Variants in NUMA1 observed in about 807,000 individuals in gnomAD.
The protein encoded by NUMA1 is SP-H antigen.
Under a neutral mutation model 237.1 loss-of-function variants are expected in NUMA1, and 62 were observed. That is an observed-to-expected ratio of 0.26 (90% CI 0.21 to 0.32). NUMA1 has a LOEUF of 0.32. Among genes scored for constraint, NUMA1 ranks in the 10% least tolerant of loss-of-function variants. The probability of loss-of-function intolerance (pLI) is 1.00; values close to 1 mark genes in which losing one functional copy is unlikely to be tolerated. For synonymous variants in NUMA1, 1,028 were observed against 1,066.1 expected (o/e 0.96, Z 0.70); for missense variants, 2,533 against 2,666.5 (o/e 0.95, Z 1.10).
Position 72,017,576 on chromosome 11 carries a change from T to C in NUMA1, c.1119+111A>G, listed in dbSNP as rs751990032. On this transcript the variant is annotated intron_variant, in intron 13 of 26. Transcript: ENST00000393695. ...TTCAATTACAGCACACTATTGAACC[T>C]TGAAGAGAAAGCAACTTAATACCCA... 4 of 1,329,082 alleles carry C rather than the reference T, an allele frequency of 3.0e-6. No individual in the cohort carries two copies. The Admixed American group carries it at 5.0e-5, about 17-fold the overall frequency. The allele number at this position is 1,329,082 out of a possible 1,614,324, so 82.3% of individuals were successfully genotyped here. A position where few individuals can be genotyped will look rare whatever the true frequency, so the allele number is the denominator to read the frequency against.
intron 17 of NUMA1, among the ~76,000 whole-genome samples, chr11:72,009,947 T>C (rs879436142): frequency 2.0e-5 from 3 of 152,238 alleles, no homozygotes; most frequent in Non-Finnish European, 4.4e-5. Context: ...ATGCCCACAC[T>C]GCCTCCTGTC....
intron 2 of NUMA1, 113 bp from the exon 3 acceptor site, chr11:72,036,088 T>G: frequency 1.3e-6 from 1 of 759,056 alleles, no homozygotes; most frequent in Admixed American, 2.2e-5. Context: ...CACTCTTCAC[T>G]GAATCCACCA....
chr11:72,010,940 A>C (rs1336111069), intron 16 of NUMA1, 86 bp from the exon 17 acceptor site: 1 of 1,180,192 alleles, frequency 8.5e-7, no homozygotes, highest in South Asian at 1.2e-5. Flanking sequence ...GGGGTTTCCC[A>C]GACCAGGATC....
At chr11:72,078,332 T>C (rs977758768) in intron 1 of NUMA1, among the ~76,000 whole-genome samples, 3 of 152,260 alleles carry the variant, frequency 2.0e-5, no homozygotes, top group Non-Finnish European at 4.4e-5. Context: ...CCACACCATA[T>C]ATTAGGTTAA....
chr11:72,061,481 T>TTTTC (rs1942935919), intron 2 of NUMA1, among the ~76,000 whole-genome samples: 2 of 24,600 alleles, frequency 8.1e-5, no homozygotes, highest in Non-Finnish European at 3.0e-4. Flanking sequence ...TCCTTGTTTC[T>TTTTC]TTTCTTTTTT....
chr11:72,003,247 C>A lies in NUMA1; in HGVS notation c.*280G>T. Reference sequence around the variant, plus strand: ...CCAGCCATCAAAACCAGCCTCAAATCTGGTTGTGATGGAGAAGTGACTTTG... The same window carrying A: ...CCAGCCATCAAAACCAGCCTCAAATATGGTTGTGATGGAGAAGTGACTTTG... On this transcript the variant is annotated 3_prime_UTR_variant, in exon 27 of 27. Coordinates refer to ENST00000393695, the MANE Select transcript of NUMA1 (RefSeq NM_006185.4). The A allele has an allele frequency of 2.0e-6, 1 of 494,898 alleles. No homozygotes were observed. The highest frequency in any genetic ancestry group is 2.7e-5 in the South Asian group (1 of 36,908). The allele number at this position is 494,898 out of a possible 1,614,324, so 30.7% of individuals were successfully genotyped here.
At chr11:72,045,602 C>T (rs543329764) in intron 2 of NUMA1, among the ~76,000 whole-genome samples, 95 of 152,268 alleles carry the variant, frequency 6.2e-4, no homozygotes, top group African/African-American at 2.2e-3. Context: ...CCTCAGCCTC[C>T]GGAGTAGTTG....
At chr11:72,019,339 C>T (rs1938396809) in intron 9 of NUMA1, among the ~76,000 whole-genome samples, 155 bp downstream of exon 9, 1 of 152,178 alleles carries the variant, frequency 6.6e-6, no homozygotes. Context: ...AACCACTTCC[C>T]CCAGTTAATA....
intron 1 of NUMA1, among the ~76,000 whole-genome samples, chr11:72,075,594 C>T (rs1943668860): frequency 5.3e-5 from 8 of 152,178 alleles, no homozygotes. Context: ...TCTGGTAGCC[C>T]CAACCTTCCT....
rs189475830 is a variant in NUMA1, at chr11:72,055,843, C to T, written c.-33+13999G>A. On this transcript the variant is annotated intron_variant, in intron 2 of 26. Coordinates refer to ENST00000393695, the MANE Select transcript of NUMA1 (RefSeq NM_006185.4). ...AAAAAAAAAAAAATTCAGCTGGGCG[C>T]GGAAGCTTACACCTGTAATCTTAGC... is the stretch of plus-strand genomic sequence containing the variant. Among the ~76,000 whole-genome samples, 168 of 151,204 alleles carry T rather than the reference C, an allele frequency of 1.1e-3. 2 individuals are homozygous for T. Among genetic ancestry groups the T allele is most frequent in the African/African-American group, 3.9e-3 (159 of 41,130 alleles).
intron 2 of NUMA1, chr11:72,050,757 C>G (rs1218655517): frequency 6.6e-6 from 1 of 152,226 alleles, no homozygotes; most frequent in Non-Finnish European, 1.5e-5. Flanking sequence ...GCTACATCCT[C>G]TATCTTTCTC....
chr11:72,023,041 C>G, intron 6 of NUMA1, 24 bp downstream of exon 6: 1 of 1,589,096 alleles, frequency 6.3e-7, no homozygotes, highest in Non-Finnish European at 8.6e-7. Context: ...GCCCTGCCTC[C>G]CCAGTCTGGT....
At chr11:72,017,482 A>G in intron 13 of NUMA1, 1 of 598,634 alleles carries the variant, frequency 1.7e-6, no homozygotes, top group Non-Finnish European at 3.0e-6. Flanking sequence ...CTATAAAGTG[A>G]GGGCATTGAC....
chr11:72,019,929 A>G (rs1938513643), intron 8 of NUMA1, among the ~76,000 whole-genome samples: 1 of 152,134 alleles, frequency 6.6e-6, no homozygotes, highest in South Asian at 2.1e-4. Context: ...CCTCGAGTCC[A>G]CACTGCAGAG....
At position 72,021,132 on chromosome 11, in the gene NUMA1, C is replaced by T. The variant is rs527347705; in HGVS notation, c.460+72G>A. On this transcript the variant is annotated intron_variant, in intron 8 of 26. Transcript: ENST00000393695. ...GGGACAGAAACAAACCCCCACCATA[C>T]TTGACAACTCAGGATCCTAGTATTC... is the stretch of plus-strand genomic sequence containing the variant. The T allele has an allele frequency of 1.6e-5, 20 of 1,267,266 alleles. No homozygotes were observed. In the East Asian group the frequency reaches 1.9e-4, roughly 12 times the overall value. 78.5% of individuals were successfully genotyped at this position (1,267,266 alleles called of 1,614,324 possible). A position where few individuals can be genotyped will look rare whatever the true frequency, so the allele number is the denominator to read the frequency against.
intron 2 of NUMA1, among the ~76,000 whole-genome samples, chr11:72,053,023 G>C (rs1410730914): frequency 2.0e-5 from 3 of 152,106 alleles, no homozygotes; most frequent in Non-Finnish European, 4.4e-5. Flanking sequence ...ACAAATTCTG[G>C]GTTTATAGCT....
chr11:72,054,597 GTCATGATCTTCATTAGCAAAGATCA>G (rs559905121), intron 2 of NUMA1, among the ~76,000 whole-genome samples: 83 of 152,210 alleles, frequency 5.5e-4, no homozygotes, highest in African/African-American at 1.9e-3. Flanking sequence ...TTAAGCAACT[GTCATGATCTTCATTAGCAAAGATCA>G]TGAGGCTAAT....
At chr11:72,055,572 A>T (rs1485748990) in intron 2 of NUMA1, among the ~76,000 whole-genome samples, 1 of 152,170 alleles carries the variant, frequency 6.6e-6, no homozygotes, top group Non-Finnish European at 1.5e-5. Flanking sequence ...GTATGCTGGT[A>T]ATGTTCTGTT....
Position 72,018,486 on chromosome 11 carries a change from C to T in NUMA1, c.770G>A (p.Arg257His), listed in dbSNP as rs190582413. 1.2e-5 allele frequency: 19 copies of T among 1,614,082 alleles called. No individual in the cohort carries two copies. Among genetic ancestry groups the T allele is most frequent in the East Asian group, 1.1e-4 (5 of 44,882 alleles). Reference protein sequence around the residue: ...KDAQIAMMQQRIDRLALLNEK... With the variant: ...KDAQIAMMQQHIDRLALLNEK... ...ATTCAGCAGGGCTAGGCGGTCAATG[C>T]GCTGCTGCATCATGGCTATCTGTGC... is the stretch of plus-strand genomic sequence containing the variant. The change falls in exon 11 of 27, where the codon CGC becomes CAC. Residue 257 changes from arginine (R) to histidine (H), a missense_variant. Arg to His is a conservative substitution (Grantham distance 29, BLOSUM62 0). Coordinates refer to ENST00000393695, the MANE Select transcript of NUMA1 (RefSeq NM_006185.4).
Sources: allele counts gnomAD v4.1 joint callset (sites outside exome capture counted in the v4.1 genomes callset), GRCh38; gene constraint gnomAD v4.1.1; transcripts MANE v1.5; gene names NCBI Gene and HGNC (gene_info 2026-07-23, HGNC 2026-07-21).